The following ZNF626 variants were observed in gnomAD, a reference collection of about 807,000 sequenced individuals.
ZNF626 encodes the protein zinc finger protein 626, also known as CTC-513N18.7.
Under a neutral mutation model 11.7 loss-of-function variants are expected in ZNF626, and 4 were observed. The observed-to-expected ratio is 0.34, with a 90% CI of 0.17 to 0.78. ZNF626 has a LOEUF of 0.78. Ranked by LOEUF, ZNF626 falls within the 30% of genes least tolerant of loss-of-function variation. ZNF626 has a pLI of 0.57. For synonymous variants in ZNF626, 179 were observed against 198.6 expected, an observed-to-expected ratio of 0.90 and a Z score of 0.83; for missense variants, 588 against 587.1, an observed-to-expected ratio of 1.00 and a Z score of -0.01.
At chr19:20,627,999 A>G (rs9304972) in intron 3 of ZNF626, among the ~76,000 whole-genome samples, 68,267 of 151,886 alleles carry the variant, frequency 0.45, 16,604 homozygotes, top group African/African-American at 0.64. Context: ...CTCATTGTTC[A>G]ATTCCCACCT....
At chr19:20,642,258 T>G (rs1970031847) in intron 3 of ZNF626, among the ~76,000 whole-genome samples, 1 of 152,168 alleles carries the variant, frequency 6.6e-6, no homozygotes, top group African/African-American at 2.4e-5. Context: ...TTCTCTAAAA[T>G]TATAATACAT....
intron 3 of ZNF626, among the ~76,000 whole-genome samples, chr19:20,635,905 G>A (rs1384875225): frequency 2.1e-4 from 32 of 152,100 alleles, no homozygotes; most frequent in Admixed American, 2.0e-3. Flanking sequence ...GGCCGAGGCA[G>A]GCAGACCACC....
At chr19:20,659,059 T>C (rs1347726975) in intron 1 of ZNF626, among the ~76,000 whole-genome samples, 1 of 152,192 alleles carries the variant, frequency 6.6e-6, no homozygotes, top group African/African-American at 2.4e-5. Flanking sequence ...AAAATATTTG[T>C]GATTAATAAA....
intron 3 of ZNF626, among the ~76,000 whole-genome samples, chr19:20,626,971 C>T (rs181955288): frequency 2.2e-4 from 34 of 152,002 alleles, no homozygotes; most frequent in East Asian, 1.7e-3. Flanking sequence ...GCTGAGATGG[C>T]GCCACTGCAC....
chr19:20,657,673 C>T (rs931003318), intron 1 of ZNF626, among the ~76,000 whole-genome samples: 7 of 151,910 alleles, frequency 4.6e-5, no homozygotes, highest in Non-Finnish European at 7.4e-5. Context: ...GGTGTGGTGG[C>T]ATGCGACTCT....
Position 20,624,334 on chromosome 19 carries a change from C to A in ZNF626, c.1543G>T (p.Ala515Ser). 6.8e-7 allele frequency: 1 copy of A among 1,472,036 alleles called. No homozygotes were observed. Among genetic ancestry groups the A allele is most frequent in the Non-Finnish European group, 9.2e-7 (1 of 1,092,384 alleles). 91.2% of individuals were successfully genotyped at this position (1,472,036 alleles called of 1,614,324 possible). A position where few individuals can be genotyped will look rare whatever the true frequency, so the allele number is the denominator to read the frequency against. ...ERNSTNVKNV[A>S]KPSSGPHTLL... ...GTGTGAGGACCGCTTGAAGGCTTTG[C>A]CACATTCTTCACATTTGTAGAATTT... is the stretch of plus-strand genomic sequence containing the variant. The change falls in exon 4 of 4, where the codon GCA (alanine) becomes TCA (serine). Residue 515 changes from alanine to serine, a missense_variant. Around this residue, in one of 4 missense-constraint regions of ZNF626, gnomAD observed 43 missense variants for 38.0 expected, o/e 1.13. Coordinates refer to ENST00000601440, the MANE Select transcript of ZNF626 (RefSeq NM_001076675.3).
chr19:20,627,862 T>G (rs1234252546), intron 3 of ZNF626, among the ~76,000 whole-genome samples: 1 of 152,324 alleles, frequency 6.6e-6, no homozygotes, highest in East Asian at 1.9e-4. Flanking sequence ...TTGTGCCATG[T>G]TGGTGTGTTG....
chr19:20,625,715 T>A (rs1464659749), intron 3 of ZNF626, 65 bp from the exon 4 acceptor site: 1 of 1,444,350 alleles, frequency 6.9e-7, no homozygotes, highest in Non-Finnish European at 9.2e-7. Flanking sequence ...AATATATATA[T>A]GCAGTTTGTA....
At chr19:20,644,081 G>A (rs1223381433) in intron 3 of ZNF626, among the ~76,000 whole-genome samples, 1 of 152,164 alleles carries the variant, frequency 6.6e-6, no homozygotes, top group African/African-American at 2.4e-5. Flanking sequence ...CAGAGACCTG[G>A]AGGAAGGCAT....
chr19:20,660,242 C>T (rs1223202272), intron 1 of ZNF626, among the ~76,000 whole-genome samples: 3 of 78,900 alleles, frequency 3.8e-5, no homozygotes, highest in African/African-American at 1.7e-4. Context: ...GACACTGTGT[C>T]TAAAAAAAAA....
intron 1 of ZNF626, among the ~76,000 whole-genome samples, chr19:20,657,689 C>T (rs1970219688): frequency 6.6e-6 from 1 of 151,960 alleles, no homozygotes; most frequent in Non-Finnish European, 1.5e-5. Flanking sequence ...ACTCTAATCC[C>T]AGCTACATAG....
At position 20,623,505 on chromosome 19, in the gene ZNF626, G is replaced by GT. The variant is rs1969780485; in HGVS notation, c.*784dup. 1 of 154,688 alleles carries GT rather than the reference G, an allele frequency of 6.5e-6. No individual in the cohort carries two copies. Among genetic ancestry groups the GT allele is most frequent in the Non-Finnish European group, 1.4e-5 (1 of 69,722 alleles). The allele number at this position is 154,688 out of a possible 1,614,324, so 9.6% of individuals were successfully genotyped here. On this transcript the variant is annotated 3_prime_UTR_variant, in exon 4 of 4. Transcript: ENST00000601440. ...TGAATTATCACCATGTCTCTTAATA[G>GT]TAAGAACTTGTGGCCAGGCATGGTG...
At chr19:20,629,201 T>G (rs1332004027) in intron 3 of ZNF626, among the ~76,000 whole-genome samples, 3 of 152,216 alleles carry the variant, frequency 2.0e-5, no homozygotes, top group African/African-American at 7.2e-5. Flanking sequence ...TAGTATAGTT[T>G]GAAGTCAGGT....
chr19:20,621,762 T>G lies in ZNF626; in HGVS notation c.*2528A>C, dbSNP rs1185349998. On this transcript the variant is annotated 3_prime_UTR_variant, in exon 4 of 4. Coordinates refer to ENST00000601440, the MANE Select transcript of ZNF626 (RefSeq NM_001076675.3). ...GGCAAAGTGATTACTAGTGATGACA[T>G]TCCACTACATACCAAATAGTATACT... The G allele has an allele frequency of 3.3e-5, 5 of 152,230 alleles. No individual in the cohort carries two copies. Among genetic ancestry groups the G allele is most frequent in the Admixed American group, 2.6e-4 (4 of 15,282 alleles). The allele number at this position is 152,230 out of a possible 1,614,324, so 9.4% of individuals were successfully genotyped here. A position where few individuals can be genotyped will look rare whatever the true frequency, so the allele number is the denominator to read the frequency against.
At chr19:20,645,617 G>C in intron 3 of ZNF626, 67 bp downstream of exon 3, 1 of 1,571,176 alleles carries the variant, frequency 6.4e-7, no homozygotes, top group Non-Finnish European at 8.6e-7. Context: ...TTAAGGACTG[G>C]CTTTCTCTTT....
chr19:20,627,423 T>C (rs1233273548), intron 3 of ZNF626, among the ~76,000 whole-genome samples: 1 of 151,714 alleles, frequency 6.6e-6, no homozygotes, highest in African/African-American at 2.4e-5. Flanking sequence ...AAAGTACCAC[T>C]AAGAAAATAT....
chr19:20,661,258 G>A (rs1038515799), intron 1 of ZNF626, among the ~76,000 whole-genome samples, 186 bp downstream of exon 1: 2 of 151,900 alleles, frequency 1.3e-5, no homozygotes, highest in Non-Finnish European at 2.9e-5. Context: ...CAAGACGCCC[G>A]GGTGCCGGCT....
Position 20,635,027 on chromosome 19 carries a change from G to C in ZNF626, c.227-9377C>G, listed in dbSNP as rs563236620. 2.6e-5 allele frequency among the ~76,000 whole-genome samples: 4 copies of C among 152,282 alleles called. 1 individual carries two copies. Among genetic ancestry groups the C allele is most frequent in the African/African-American group, 9.6e-5 (4 of 41,554 alleles). On this transcript the variant is annotated intron_variant, in intron 3 of 3. Coordinates refer to ENST00000601440, the MANE Select transcript of ZNF626 (RefSeq NM_001076675.3). ...CAAATTTCTGTCATCAAATCATTCA[G>C]TAGGTAGAAAAATACTGGAATCTCA... is the stretch of plus-strand genomic sequence containing the variant.
At chr19:20,647,484 G>GTTTTTTTT (rs71174723) in intron 1 of ZNF626, among the ~76,000 whole-genome samples, 4 of 122,808 alleles carry the variant, frequency 3.3e-5, no homozygotes, top group South Asian at 2.8e-4. Context: ...TAGGACAATG[G>GTTTTTTTT]TTTTTTTTTT....
Sources: allele counts gnomAD v4.1 joint callset (sites outside exome capture counted in the v4.1 genomes callset), GRCh38; gene constraint gnomAD v4.1.1; regional missense constraint gnomAD v4.1.1; transcripts MANE v1.5; gene names NCBI Gene and HGNC (gene_info 2026-07-23, HGNC 2026-07-21).